Variants in ZNF532 observed in about 807,000 individuals in gnomAD.
The protein encoded by ZNF532 is zinc finger protein 532.
ZNF532 carries 22 observed loss-of-function variants against 89.3 expected under a neutral mutation model. That is an observed-to-expected ratio of 0.25 (90% CI 0.18 to 0.35). The LOEUF is 0.35. Among genes scored for constraint, ZNF532 ranks in the 10% least tolerant of loss-of-function variants. The probability of loss-of-function intolerance (pLI) is 1.00; values close to 1 mark genes in which losing one functional copy is unlikely to be tolerated. For synonymous variants in ZNF532, 606 were observed against 649.6 expected, an observed-to-expected ratio of 0.93 and a Z score of 1.02; for missense variants, 1,132 against 1,643.4, an observed-to-expected ratio of 0.69 and a Z score of 5.38.
At chr18:58,978,964 TG>T in intron 7 of ZNF532, 90 bp from the exon 8 acceptor site, 1 of 1,047,508 alleles carries the variant, frequency 9.5e-7, no homozygotes. Context: ...CCTGTAATAA[TG>T]ATTTAACTTA....
Position 58,865,148 on chromosome 18 carries a change from G to A in ZNF532, c.-365G>A, listed in dbSNP as rs553444548. On this transcript the variant is annotated 5_prime_UTR_variant, in exon 1 of 10. The change creates a new upstream start codon in the 5' untranslated region. Coordinates refer to ENST00000591808, the MANE Select transcript of ZNF532 (RefSeq NM_001375912.1). Reference sequence around the variant, plus strand: ...TATGACCCTTATTAGAGAAAAAAATGTGCCTTGCTAGGGTGGGGACACTTG... The same window carrying A: ...TATGACCCTTATTAGAGAAAAAAATATGCCTTGCTAGGGTGGGGACACTTG... The A allele has an allele frequency of 1.3e-5, 2 of 151,838 alleles. No individual in the cohort carries two copies. Among genetic ancestry groups the A allele is most frequent in the African/African-American group, 2.4e-5 (1 of 41,312 alleles). 9.4% of individuals were successfully genotyped at this position (151,838 alleles called of 1,614,324 possible).
intron 2 of ZNF532, among the ~76,000 whole-genome samples, chr18:58,895,395 G>A (rs557779039): frequency 6.6e-6 from 1 of 152,212 alleles, no homozygotes; most frequent in Non-Finnish European, 1.5e-5. Context: ...CCTTCTTGGC[G>A]ATTCAAAATG....
At chr18:58,954,394 T>C (rs1009319216) in intron 7 of ZNF532, 10 of 331,308 alleles carry the variant, frequency 3.0e-5, no homozygotes, top group African/African-American at 2.2e-4. Context: ...CCTAATAATA[T>C]TAGCAAAATT....
chr18:58,873,320 C>T (rs533166807), intron 2 of ZNF532, among the ~76,000 whole-genome samples: 210 of 152,318 alleles, frequency 1.4e-3, no homozygotes, highest in Middle Eastern at 3.4e-3. Flanking sequence ...CTGCACCCAA[C>T]TATGTTTTGA....
chr18:58,940,923 T>TACAC (rs200614911), intron 5 of ZNF532, among the ~76,000 whole-genome samples: 17,391 of 118,476 alleles, frequency 0.15, 1,405 homozygotes, highest in Non-Finnish European at 0.18. Context: ...TGCCATATTT[T>TACAC]ACACACACAC....
rs1019338264 is a variant in ZNF532, at chr18:58,879,406, C to A, written c.-18+13827C>A. 2.6e-5 allele frequency among the ~76,000 whole-genome samples: 4 copies of A among 152,282 alleles called. No individual in the cohort carries two copies. In the East Asian group the frequency reaches 7.7e-4, roughly 29 times the overall value. On this transcript the variant is annotated intron_variant, in intron 2 of 9. Coordinates refer to ENST00000591808, the MANE Select transcript of ZNF532 (RefSeq NM_001375912.1). ...CAATGCAAGTGGCGACTGCCTTTTTCATTTTTTTTGAGAGGGAGTCTCGCT... is the reference window on the plus strand; with the variant it reads ...CAATGCAAGTGGCGACTGCCTTTTTAATTTTTTTTGAGAGGGAGTCTCGCT...
At chr18:58,982,390 G>A (rs1323163529) in intron 9 of ZNF532, among the ~76,000 whole-genome samples, 3 of 151,438 alleles carry the variant, frequency 2.0e-5, no homozygotes, top group South Asian at 4.2e-4. Context: ...GGAAGCTGAG[G>A]CGGGCAGATC....
chr18:58,928,801 G>A (rs1386081572), intron 3 of ZNF532, among the ~76,000 whole-genome samples: 1 of 152,180 alleles, frequency 6.6e-6, no homozygotes, highest in African/African-American at 2.4e-5. Flanking sequence ...TTTGGGTTAC[G>A]TTGAGAAAAG....
At chr18:58,975,955 G>A (rs1169544144) in intron 7 of ZNF532, among the ~76,000 whole-genome samples, 2 of 152,124 alleles carry the variant, frequency 1.3e-5, no homozygotes, top group Non-Finnish European at 2.9e-5. Context: ...GAATGATGAC[G>A]GTGGGCTTTA....
At chr18:58,896,917 G>T (rs1244855988) in intron 2 of ZNF532, among the ~76,000 whole-genome samples, 1 of 152,172 alleles carries the variant, frequency 6.6e-6, no homozygotes, top group Non-Finnish European at 1.5e-5. Context: ...TGTCCCATGT[G>T]ACCATGCATT....
chr18:58,944,863 A>C (rs1032988436), intron 5 of ZNF532, among the ~76,000 whole-genome samples: 1 of 152,166 alleles, frequency 6.6e-6, no homozygotes, highest in Non-Finnish European at 1.5e-5. Context: ...TTAGCGTTGC[A>C]GTCATTGGTC....
At chr18:58,920,697 A>G in intron 3 of ZNF532, 64 bp downstream of exon 3, 6 of 1,402,638 alleles carry the variant, frequency 4.3e-6, no homozygotes, top group Non-Finnish European at 5.8e-6. Context: ...GCTTGATAAG[A>G]TGCCCTTGAT....
At chr18:58,959,256 TTTTGTTTTTTTTTG>T (rs1211689001) in intron 7 of ZNF532, among the ~76,000 whole-genome samples, 6 of 143,958 alleles carry the variant, frequency 4.2e-5, no homozygotes, top group African/African-American at 1.4e-4. Context: ...GTTTTTTGTT[TTTTGTTTTTTTTTG>T]TTTTTTTTTG....
At chr18:58,951,649 T>TTTTTTTTTTGG (rs1555746573) in intron 6 of ZNF532, among the ~76,000 whole-genome samples, 3 of 86,556 alleles carry the variant, frequency 3.5e-5, no homozygotes, top group African/African-American at 1.2e-4. Context: ...CCCTGTTGTT[T>TTTTTTTTTTGG]TTTTTTTTTT....
At chr18:58,927,077 A>T (rs527375558) in intron 3 of ZNF532, among the ~76,000 whole-genome samples, 1 of 152,160 alleles carries the variant, frequency 6.6e-6, no homozygotes, top group Non-Finnish European at 1.5e-5. Flanking sequence ...GAGAGTGTGT[A>T]TAATTGGTGT....
Position 58,932,642 on chromosome 18 carries a change from C to G in ZNF532, c.2347-1791C>G, listed in dbSNP as rs548107549. On this transcript the variant is annotated intron_variant, in intron 3 of 9. Coordinates refer to ENST00000591808, the MANE Select transcript of ZNF532 (RefSeq NM_001375912.1). ...GTTCTTCCACTTAATAGGTATGGAG[C>G]CTTGGGCGAGTTTCTTAACTTTACT... is the stretch of plus-strand genomic sequence containing the variant. 4 of 152,202 alleles carry G rather than the reference C, an allele frequency of 2.6e-5. No individual in the cohort carries two copies. In the East Asian group the frequency reaches 7.7e-4, roughly 29 times the overall value. The allele number at this position is 152,202 out of a possible 1,614,324, so 9.4% of individuals were successfully genotyped here.
chr18:58,865,749 T>G (rs754293229), intron 2 of ZNF532, among the ~76,000 whole-genome samples, 170 bp downstream of exon 2: 7 of 152,340 alleles, frequency 4.6e-5, no homozygotes, highest in Non-Finnish European at 8.8e-5. Context: ...ATGATGGTAT[T>G]GCGATCAAGG....
chr18:58,898,730 C>T (rs2059405771), intron 2 of ZNF532, among the ~76,000 whole-genome samples: 1 of 152,204 alleles, frequency 6.6e-6, no homozygotes, highest in South Asian at 2.1e-4. Context: ...GATTTCCAGG[C>T]ACTTCTAAGC....
At chr18:58,926,298 C>G (rs1284183959) in intron 3 of ZNF532, 4 of 152,052 alleles carry the variant, frequency 2.6e-5, no homozygotes, top group Non-Finnish European at 5.9e-5. Context: ...ATAAATGATT[C>G]TTCATTTATT....
Sources: gnomAD v4.1 joint callset for allele counts (sites outside exome capture counted in the v4.1 genomes callset) on GRCh38, gnomAD v4.1.1 for gene constraint, MANE v1.5 for transcripts, NCBI Gene and HGNC (gene_info 2026-07-23, HGNC 2026-07-21) for gene names.